Variants in KHK observed in about 807,000 individuals in gnomAD.
The protein encoded by KHK is ketohexokinase.
A neutral mutation model predicts 36.0 loss-of-function variants in KHK; 37 were observed. The observed-to-expected ratio is 1.03, with a 90% CI of 0.79 to 1.35. KHK has a LOEUF of 1.35. Ranked by LOEUF, KHK falls within the 40% of genes most tolerant of loss-of-function variation. The pLI is 0.00. For synonymous variants in KHK, 161 were observed against 162.8 expected, an observed-to-expected ratio of 0.99 and a Z score of 0.08; for missense variants, 395 against 391.9, an observed-to-expected ratio of 1.01 and a Z score of -0.07.
At chr2:27,088,719 C>T (rs1345241301) in intron 1 of KHK, among the ~76,000 whole-genome samples, 4 of 152,184 alleles carry the variant, frequency 2.6e-5, no homozygotes, top group Non-Finnish European at 4.4e-5. Context: ...CCACCACACC[C>T]GGCTTATTGG....
At position 27,099,250 on chromosome 2, in the gene KHK, GC is replaced by G; in HGVS notation, c.621del (p.Leu208Ter). The G allele has an allele frequency of 1.9e-6, 3 of 1,614,196 alleles. No homozygotes were observed. Among genetic ancestry groups the G allele is most frequent in the Non-Finnish European group, 2.5e-6 (3 of 1,180,050 alleles). On this transcript the variant is annotated frameshift_variant, in exon 6 of 8. Coordinates refer to ENST00000260598, the MANE Select transcript of KHK (RefSeq NM_006488.3). LOFTEE classifies it high-confidence loss of function. ...CTTGGGGTTCCAGTCAGCAGAGGAA[GC>G]CTTGAGGGGCTTGTATGGTCGTGTG... ...KHLGFQSAEE[A>X]LRGLYGRVRK...
chr2:27,089,645 G>C (rs1669866536), intron 1 of KHK, among the ~76,000 whole-genome samples: 1 of 152,162 alleles, frequency 6.6e-6, no homozygotes, highest in Non-Finnish European at 1.5e-5. Context: ...CTGCACTCCA[G>C]GCCATGCCTT....
chr2:27,094,262 C>A, intron 2 of KHK: 1 of 633,966 alleles, frequency 1.6e-6, no homozygotes, highest in Middle Eastern at 4.2e-4. Flanking sequence ...AAAAGGATGG[C>A]CCTTAGTGTT....
chr2:27,095,023 C>T, intron 3 of KHK, 89 bp downstream of exon 3: 2 of 1,466,628 alleles, frequency 1.4e-6, no homozygotes, highest in African/African-American at 1.4e-5. Context: ...ATCCCAACTG[C>T]CCCCCTCTGT....
At chr2:27,094,633 T>TTGCCAGCTGC (rs764807382) in intron 2 of KHK, 167 bp from the exon 3 acceptor site, 3 of 1,614,062 alleles carry the variant, frequency 1.9e-6, no homozygotes, top group Non-Finnish European at 2.5e-6. Context: ...TGTCTGTGCC[T>TTGCCAGCTGC]TGCCAGCTGC....
intron 3 of KHK, among the ~76,000 whole-genome samples, chr2:27,095,418 C>G (rs1054636019): frequency 6.6e-6 from 1 of 152,154 alleles, no homozygotes; most frequent in Non-Finnish European, 1.5e-5. Flanking sequence ...TAAAAGAGAT[C>G]AGCCCCCCAA....
intron 5 of KHK, among the ~76,000 whole-genome samples, chr2:27,098,476 A>C (rs992647181): frequency 9.3e-6 from 1 of 107,432 alleles, no homozygotes; most frequent in Non-Finnish European, 1.8e-5. Context: ...GTCTCTATAC[A>C]AAAAAAAAAA....
chr2:27,096,742 G>A lies in KHK; in HGVS notation c.358G>A (p.Val120Met). The change falls in exon 4 of 8, where the codon GTG (valine) becomes ATG (methionine). Residue 120 changes from valine (V) to methionine (M), a missense_variant. Coordinates refer to ENST00000260598, the MANE Select transcript of KHK (RefSeq NM_006488.3). ...CCTGTGACCTAGGAGCCTGCCAGAT[G>A]TGTCTGCTACAGACTTTGAGAAGGT... Reference protein sequence around the residue: ...IVLHDTSLPDVSATDFEKVDL... With the variant: ...IVLHDTSLPDMSATDFEKVDL... The A allele has an allele frequency of 6.2e-7, 1 of 1,614,002 alleles. No homozygotes were observed. Among genetic ancestry groups the A allele is most frequent in the Non-Finnish European group, 8.5e-7 (1 of 1,179,940 alleles).
chr2:27,099,564 C>T lies in KHK; in HGVS notation c.798C>T (p.Phe266=). The T allele has an allele frequency of 1.9e-6, 3 of 1,614,176 alleles. No homozygotes were observed. The highest frequency in any genetic ancestry group is 2.7e-5 in the African/African-American group (2 of 75,056). Residue 266 remains phenylalanine (F), a synonymous_variant, in exon 7 of 8, where the codon TTC becomes TTT. Coordinates refer to ENST00000260598, the MANE Select transcript of KHK (RefSeq NM_006488.3). ...ACACCTTCAATGCCTCCGTCATCTT[C>T]AGCCTCTCCCAGGGTGAGTATGGCA... The part of the protein sequence containing the change: ...AGDTFNASVI[F]SLSQGRSVQE...
chr2:27,097,363 G>C, intron 4 of KHK, 140 bp from the exon 5 acceptor site: 1 of 1,011,334 alleles, frequency 9.9e-7, no homozygotes, highest in South Asian at 1.4e-5. Flanking sequence ...AGCTCTGAAT[G>C]TTGTAATTTA....
rs781159945 is a variant in KHK, at chr2:27,096,781, T to C, written c.397T>C (p.Phe133Leu). Residue 133 changes from phenylalanine to leucine, a missense_variant, in exon 4 of 8, where the codon TTC (phenylalanine) becomes CTC (leucine). Coordinates refer to ENST00000260598, the MANE Select transcript of KHK (RefSeq NM_006488.3). ...TDFEKVDLTQ[F>L]KWIHIEGRNA... ...CTTTGAGAAGGTTGATCTGACCCAG[T>C]TCAAGTGGATCCACATTGAGGTAAG... The C allele has an allele frequency of 3.1e-6, 5 of 1,613,948 alleles. No individual in the cohort carries two copies. In the Middle Eastern group the frequency reaches 5.0e-4, roughly 160 times the overall value.
In KHK at chr2:27,087,496, T is replaced by TG. The variant is rs544486157; in HGVS notation, c.92+152dup. The TG allele has an allele frequency of 1.5e-3, 859 of 574,942 alleles. 5 individuals carry two copies. The highest frequency in any genetic ancestry group is 0.011 in the African/African-American group (609 of 53,124). The allele number at this position is 574,942 out of a possible 1,614,324, so 35.6% of individuals were successfully genotyped here. On this transcript the variant is annotated intron_variant, in intron 1 of 7. Transcript: ENST00000260598. Reference sequence around the variant, plus strand: ...ACCCGCGCCCTCTACCCGGGAATCCTGGGGGGGCTCCCAGCATGACAGAAG... The same window carrying TG: ...ACCCGCGCCCTCTACCCGGGAATCCTGGGGGGGGCTCCCAGCATGACAGAAG...
At position 27,090,456 on chromosome 2, in the gene KHK, T is replaced by C. The variant is rs1319923759; in HGVS notation, c.93-1876T>C. 1.7e-4 allele frequency among the ~76,000 whole-genome samples: 25 copies of C among 145,414 alleles called. 1 individual carries two copies. The East Asian group carries it at 3.0e-3, about 18-fold the overall frequency. On this transcript the variant is annotated intron_variant, in intron 1 of 7. Coordinates refer to ENST00000260598, the MANE Select transcript of KHK (RefSeq NM_006488.3). ...TCTTTTTTTTCTTTTTTCTTTCTTTTTTTTTTTTTTTTTTTGGAGACAAAG... is the reference window on the plus strand; with the variant it reads ...TCTTTTTTTTCTTTTTTCTTTCTTTCTTTTTTTTTTTTTTTGGAGACAAAG...
intron 1 of KHK, 137 bp from the exon 2 acceptor site, chr2:27,092,195 C>T (rs1008563773): frequency 3.3e-5 from 26 of 786,818 alleles, no homozygotes; most frequent in South Asian, 2.1e-4. Flanking sequence ...TCGGCTGCCC[C>T]GGGTACAAAG....
rs530461502 is a variant in KHK, at chr2:27,089,591, G to A, written c.92+2240G>A. Among the ~76,000 whole-genome samples, 6 of 152,324 alleles carry A rather than the reference G, an allele frequency of 3.9e-5. No individual in the cohort carries two copies. The East Asian group carries it at 9.6e-4, about 24-fold the overall frequency. ...CAGGTTCTGAAGGTGGGCACTGAGC[G>A]AGGCACTTCTCTAAAGGGCCCCTTC... On this transcript the variant is annotated intron_variant, in intron 1 of 7. Coordinates refer to ENST00000260598, the MANE Select transcript of KHK (RefSeq NM_006488.3).
chr2:27,099,755 A>C lies in KHK; in HGVS notation c.*5A>C, dbSNP rs776398027. On this transcript the variant is annotated 3_prime_UTR_variant, in exon 8 of 8. Transcript: ENST00000260598. Reference sequence around the variant, plus strand: ...GGCTTTGATGGCATCGTGTGAGAGCAGGTGCCGGCTCCTCACACACCATGG... The same window carrying C: ...GGCTTTGATGGCATCGTGTGAGAGCCGGTGCCGGCTCCTCACACACCATGG... 13 of 1,613,608 alleles carry C rather than the reference A, an allele frequency of 8.1e-6. No homozygotes were observed. The East Asian group carries it at 2.7e-4, about 33-fold the overall frequency.
At position 27,097,520 on chromosome 2, in the gene KHK, G is replaced by C. The variant is rs1329503329; in HGVS notation, c.435G>C (p.Glu145Asp). The C allele has an allele frequency of 6.2e-7, 1 of 1,613,818 alleles. No individual in the cohort carries two copies. Among genetic ancestry groups the C allele is most frequent in the South Asian group, 1.1e-5 (1 of 91,082 alleles). The change falls in exon 5 of 8, where the codon GAG becomes GAC. Residue 145 changes from glutamate to aspartate, a missense_variant. Transcript: ENST00000260598. ...WIHIEGRNAS[E>D]QVKMLQRIDA... is the part of the protein sequence containing the mutation. Reference sequence around the variant, plus strand: ...TGTACCAGGGCCGGAACGCATCGGAGCAGGTGAAGATGCTGCAGCGGATAG... The same window carrying C: ...TGTACCAGGGCCGGAACGCATCGGACCAGGTGAAGATGCTGCAGCGGATAG...
At position 27,099,883 on chromosome 2, in the gene KHK, G is replaced by A. The variant is rs1670700246; in HGVS notation, c.*133G>A. 6 of 1,546,252 alleles carry A rather than the reference G, an allele frequency of 3.9e-6. No homozygotes were observed. The highest frequency in any genetic ancestry group is 5.2e-6 in the Non-Finnish European group (6 of 1,143,930). ...GCAAGCTGTGGGGAGGACTCTGCCT[G>A]TGTCCTGTGTTCCCCACAGGGAGAG... On this transcript the variant is annotated 3_prime_UTR_variant, in exon 8 of 8. Transcript: ENST00000260598.
chr2:27,088,287 A>G (rs1669785164), intron 1 of KHK, among the ~76,000 whole-genome samples: 1 of 151,510 alleles, frequency 6.6e-6, no homozygotes, highest in African/African-American at 2.4e-5. Flanking sequence ...TAAATTTTGT[A>G]TAAGGGACGG....
Sources: gnomAD v4.1 joint callset for allele counts (sites outside exome capture counted in the v4.1 genomes callset) on GRCh38, gnomAD v4.1.1 for gene constraint, MANE v1.5 for transcripts, NCBI Gene and HGNC (gene_info 2026-07-23, HGNC 2026-07-21) for gene names.